The following ASL variants were observed in gnomAD, a reference collection of about 807,000 sequenced individuals.
The protein encoded by ASL is argininosuccinase.
A neutral mutation model predicts 69.1 loss-of-function variants in ASL; 51 were observed. The ratio of observed to expected loss-of-function variants is 0.74; its 90% CI spans 0.59 to 0.93. The LOEUF (loss-of-function observed/expected upper bound fraction) is 0.93, where lower values mean the gene tolerates loss of function less well. Ranked by LOEUF, ASL falls within the 40% of genes least tolerant of loss-of-function variation. The pLI is 0.00. For synonymous variants in ASL, 241 were observed against 247.6 expected (o/e 0.97, Z 0.25); for missense variants, 540 against 623.9 (o/e 0.87, Z 1.43).
chr7:66,089,194 G>A lies in ASL; in HGVS notation c.918+19G>A, dbSNP rs749819433. 3.1e-6 allele frequency: 5 copies of A among 1,613,570 alleles called. No homozygotes were observed. The highest frequency in any genetic ancestry group is 4.2e-6 in the Non-Finnish European group (5 of 1,179,880). ...TGGGCGGGTGAGCAAGGCAGGGGGA[G>A]GGGCGGGGCCTCTGGGCTGATGGTG... On this transcript the variant is annotated intron_variant, in intron 12 of 16. Coordinates refer to ENST00000304874, the MANE Select transcript of ASL (RefSeq NM_000048.4).
chr7:66,088,207 A>G (rs1020769759), intron 10 of ASL, among the ~76,000 whole-genome samples: 1 of 152,002 alleles, frequency 6.6e-6, no homozygotes. Flanking sequence ...TAGGCCAGGC[A>G]TGGTGGCTCA....
Position 66,087,720 on chromosome 7 carries a change from C to G in ASL, c.656-9C>G. 6.2e-7 allele frequency: 1 copy of G among 1,613,386 alleles called. No individual in the cohort carries two copies. The highest frequency in any genetic ancestry group is 8.5e-7 in the Non-Finnish European group (1 of 1,179,588). On this transcript the variant is annotated splice_polypyrimidine_tract_variant and intron_variant, in intron 9 of 16. Transcript: ENST00000304874. ...TCCAGCTTAGCCCTGCTTCCTCCCA[C>G]CCCCCCAGAACTCAACTTTGGGGCC...
rs542163407 is a variant in ASL, at chr7:66,092,780, G to A, written c.1263G>A (p.Ser421=). 2.4e-4 allele frequency: 393 copies of A among 1,613,822 alleles called. 1 individual carries two copies. The South Asian group carries it at 3.2e-3, about 13-fold the overall frequency. ...CCTCTCTCCCCAGCCCCCTGTTCTC[G>A]GGCGACGTGATCTGCGTGTGGGACT... ...QELQTISPLF[S]GDVICVWDYG... is the part of the protein sequence containing the mutation. The change falls in exon 17 of 17, where the codon TCG becomes TCA. Residue 421 remains serine, a synonymous_variant. Coordinates refer to ENST00000304874, the MANE Select transcript of ASL (RefSeq NM_000048.4).
intron 14 of ASL, among the ~76,000 whole-genome samples, chr7:66,090,650 C>T (rs1159620322): frequency 2.0e-5 from 3 of 151,988 alleles, no homozygotes; most frequent in South Asian, 2.1e-4. Context: ...CCCTATGTAC[C>T]GACACCCAGC....
chr7:66,092,880 G>T lies in ASL; in HGVS notation c.1363G>T (p.Val455Leu), dbSNP rs774142780. 4 of 1,611,134 alleles carry T rather than the reference G, an allele frequency of 2.5e-6. No homozygotes were observed. Among genetic ancestry groups the T allele is most frequent in the Non-Finnish European group, 3.4e-6 (4 of 1,179,920 alleles). Residue 455 changes from valine to leucine, a missense_variant, in exon 17 of 17, where the codon GTG (valine) becomes TTG (leucine). Transcript: ENST00000304874. ...RSSVDWQIRQ[V>L]RALLQAQQA is the part of the protein sequence containing the mutation. ...CAGCGTCGACTGGCAGATCCGCCAG[G>T]TGCGGGCGCTACTGCAGGCACAGCA...
At position 66,089,145 on chromosome 7, in the gene ASL, C is replaced by G. The variant is rs1473890093; in HGVS notation, c.888C>G (p.Ile296Met). 6.2e-7 allele frequency: 1 copy of G among 1,613,998 alleles called. No individual in the cohort carries two copies. The highest frequency in any genetic ancestry group is 1.7e-5 in the Admixed American group (1 of 60,014). Residue 296 changes from isoleucine to methionine, a missense_variant, in exon 12 of 17, where the codon ATC becomes ATG. Ile to Met is a conservative substitution (Grantham distance 10). Transcript: ENST00000304874. ...QKKNPDSLEL[I>M]RSKAGRVFGR... ...AAAACCCCGACAGTTTGGAGCTGAT[C>G]CGGAGCAAGGCTGGGCGTGTGTTTG...
chr7:66,083,091 C>T lies in ASL; in HGVS notation c.363C>T (p.Leu121=). Residue 121 remains leucine (L), a synonymous_variant, in exon 6 of 17, where the codon CTC becomes CTT. Coordinates refer to ENST00000304874, the MANE Select transcript of ASL (RefSeq NM_000048.4). ...RSRNDQVVTD[L]RLWMRQTCST... is the part of the protein sequence containing the mutation. ...TCCTTGCACAGGTGGTCACAGACCT[C>T]AGGCTGTGGATGCGGCAGACCTGCT... The T allele has an allele frequency of 6.2e-7, 1 of 1,613,894 alleles. No homozygotes were observed. Among genetic ancestry groups the T allele is most frequent in the Non-Finnish European group, 8.5e-7 (1 of 1,180,030 alleles).
intron 15 of ASL, 99 bp downstream of exon 15, chr7:66,092,185 C>T (rs765597099): frequency 1.4e-6 from 2 of 1,414,328 alleles, no homozygotes; most frequent in East Asian, 4.6e-5. Flanking sequence ...AGCCTGGTGG[C>T]TCACCCCTGT....
At chr7:66,085,630 C>T (rs1204972868) in intron 6 of ASL, among the ~76,000 whole-genome samples, 3 of 148,212 alleles carry the variant, frequency 2.0e-5, no homozygotes, top group African/African-American at 7.5e-5. Flanking sequence ...TTTTTTGAGA[C>T]GGAGTCTCGC....
At chr7:66,090,971 G>T (rs546111250) in intron 14 of ASL, among the ~76,000 whole-genome samples, 4 of 151,848 alleles carry the variant, frequency 2.6e-5, no homozygotes, top group Non-Finnish European at 5.9e-5. Context: ...GGTGGTACAC[G>T]CCTGTAATCC....
intron 2 of ASL, among the ~76,000 whole-genome samples, chr7:66,076,694 C>G (rs1786355629): frequency 6.6e-6 from 1 of 152,134 alleles, no homozygotes; most frequent in Non-Finnish European, 1.5e-5. Context: ...GCTGGATTCC[C>G]AGGCAGAGGT....
intron 6 of ASL, among the ~76,000 whole-genome samples, chr7:66,085,414 G>A (rs1459800918): frequency 2.0e-5 from 3 of 152,030 alleles, no homozygotes; most frequent in Admixed American, 1.3e-4. Context: ...GGAGGTTGTA[G>A]TGAGCCGAGA....
intron 6 of ASL, among the ~76,000 whole-genome samples, chr7:66,084,459 G>A (rs748606890): frequency 1.2e-4 from 19 of 152,016 alleles, no homozygotes; most frequent in Admixed American, 5.9e-4. Flanking sequence ...ACTGCGCTCA[G>A]CTTAATTTTT....
chr7:66,081,683 G>A, intron 2 of ASL, 120 bp from the exon 3 acceptor site: 2 of 1,244,162 alleles, frequency 1.6e-6, no homozygotes, highest in Non-Finnish European at 2.2e-6. Context: ...TGTCTGCCCA[G>A]TTAGAATGAT....
intron 6 of ASL, 21 bp downstream of exon 6, chr7:66,083,195 C>G: frequency 1.9e-6 from 3 of 1,610,048 alleles, no homozygotes; most frequent in Non-Finnish European, 2.5e-6. Flanking sequence ...CAGGGACACC[C>G]AGGGGGCAGA....
chr7:66,091,667 T>G (rs1786846726), intron 14 of ASL: 1 of 350,884 alleles, frequency 2.8e-6, no homozygotes, highest in African/African-American at 2.1e-5. Flanking sequence ...TGCAGAGGGC[T>G]ATAATGGCCA....
chr7:66,083,621 T>G (rs1223421241), intron 6 of ASL, among the ~76,000 whole-genome samples: 2 of 150,288 alleles, frequency 1.3e-5, no homozygotes, highest in Non-Finnish European at 3.0e-5. Context: ...GAGGAGGAGG[T>G]TGCAATGAGC....
chr7:66,087,538 G>C, intron 9 of ASL, 152 bp downstream of exon 9: 1 of 1,105,314 alleles, frequency 9.0e-7, no homozygotes, highest in East Asian at 2.6e-5. Flanking sequence ...AAGTTCAGGG[G>C]TCACTCATGG....
intron 14 of ASL, 118 bp from the exon 15 acceptor site, chr7:66,091,888 T>G: frequency 1.0e-6 from 1 of 958,692 alleles, no homozygotes; most frequent in South Asian, 1.3e-5. Context: ...CAGAGCCGAG[T>G]GGGTAAGAGA....
Sources: allele counts gnomAD v4.1 joint callset (sites outside exome capture counted in the v4.1 genomes callset), GRCh38; gene constraint gnomAD v4.1.1; transcripts MANE v1.5; gene names NCBI Gene and HGNC (gene_info 2026-07-23, HGNC 2026-07-21).